Variants in CDK5RAP2 observed in about 807,000 individuals in gnomAD.
The protein encoded by CDK5RAP2 is CDK5 regulatory subunit associated protein 2, also known as CDK5 regulatory subunit-associated protein 2.
CDK5RAP2 carries 147 observed loss-of-function variants against 232.9 expected under a neutral mutation model. The observed-to-expected ratio is 0.63, with a 90% CI of 0.55 to 0.72. The LOEUF (loss-of-function observed/expected upper bound fraction) is 0.72. CDK5RAP2 is among the 30% of genes least tolerant of loss of function. The probability of loss-of-function intolerance (pLI) is 0.00; values close to 1 mark genes in which losing one functional copy is unlikely to be tolerated. For synonymous variants in CDK5RAP2, 833 were observed against 833.7 expected (o/e 1.00, Z 0.01); for missense variants, 2,195 against 2,231.5 (o/e 0.98, Z 0.33).
At chr9:120,536,294 G>A in intron 7 of CDK5RAP2, 78 bp downstream of exon 7, 1 of 1,503,494 alleles carries the variant, frequency 6.7e-7, no homozygotes, top group Non-Finnish European at 9.3e-7. Context: ...AGGGATAAAA[G>A]AGAATAAAAG....
intron 10 of CDK5RAP2, among the ~76,000 whole-genome samples, chr9:120,527,243 C>T (rs1026056220): frequency 3.3e-5 from 5 of 152,222 alleles, no homozygotes; most frequent in African/African-American, 4.8e-5. Context: ...AAACGCAACA[C>T]TCAGGCAGCT....
At chr9:120,536,171 A>C (rs2131962801) in intron 7 of CDK5RAP2, among the ~76,000 whole-genome samples, 1 of 152,230 alleles carries the variant, frequency 6.6e-6, no homozygotes, top group Non-Finnish European at 1.5e-5. Context: ...ACCTCATATG[A>C]CTATGCTATT....
At chr9:120,470,355 T>G in intron 16 of CDK5RAP2, 135 bp from the exon 17 acceptor site, 1 of 594,200 alleles carries the variant, frequency 1.7e-6, no homozygotes, top group Middle Eastern at 2.8e-4. Context: ...GAAGGGAGCA[T>G]AGTACACAGA....
chr9:120,392,762 C>G (rs2032105950), intron 36 of CDK5RAP2, among the ~76,000 whole-genome samples: 1 of 152,200 alleles, frequency 6.6e-6, no homozygotes, highest in South Asian at 2.1e-4. Flanking sequence ...CCACAGACAT[C>G]CACCACTCTG....
In CDK5RAP2 at chr9:120,439,560, A is replaced by C. The variant is rs1443333606; in HGVS notation, c.3561T>G (p.Gly1187=). ...VRYVKHVKIL[G]PLAPEMIDSR... is the part of the protein sequence containing the mutation. ...TGTCAATCATCTCTGGGGCCAGCGG[A>C]CCGAGGATTTTCACGTGTTTCACGT... The change falls in exon 24 of 38, where the codon GGT becomes GGG. Residue 1187 remains glycine, a synonymous_variant. Coordinates refer to ENST00000349780, the MANE Select transcript of CDK5RAP2 (RefSeq NM_018249.6). The C allele has an allele frequency of 1.9e-6, 3 of 1,614,186 alleles. No individual in the cohort carries two copies.
At chr9:120,468,427 T>A (rs2131509412) in intron 17 of CDK5RAP2, among the ~76,000 whole-genome samples, 1 of 152,342 alleles carries the variant, frequency 6.6e-6, no homozygotes, top group South Asian at 2.1e-4. Flanking sequence ...TGAAACTGTA[T>A]CAGAGTCTTA....
chr9:120,579,471 C>A (rs2043159979), intron 1 of CDK5RAP2, among the ~76,000 whole-genome samples: 1 of 152,192 alleles, frequency 6.6e-6, no homozygotes, highest in South Asian at 2.1e-4. Context: ...TCATTGCACT[C>A]CATTGCCTCC....
intron 7 of CDK5RAP2, among the ~76,000 whole-genome samples, chr9:120,534,835 C>G (rs552865647): frequency 2.0e-5 from 3 of 152,294 alleles, no homozygotes; most frequent in Admixed American, 2.0e-4. Flanking sequence ...ACCTGTAGCT[C>G]CCCCAGGAAG....
At position 120,439,958 on chromosome 9, in the gene CDK5RAP2, G is replaced by A. The variant is rs760027146; in HGVS notation, c.3163C>T (p.Pro1055Ser). 6.2e-7 allele frequency: 1 copy of A among 1,613,680 alleles called. No homozygotes were observed. ...GGCAAGCTGGCAAGGTCATCAGGTG[G>A]GCAAATCTCAGAGTCTGAAAATCAA... The part of the protein sequence containing the change: ...RSYEIDSEIC[P>S]PDDLASLPSC... The change falls in exon 24 of 38, where the codon CCA becomes TCA. Residue 1055 changes from proline (P) to serine (S), a missense_variant. By Grantham distance (74) the Pro-to-Ser change is moderately conservative. Coordinates refer to ENST00000349780, the MANE Select transcript of CDK5RAP2 (RefSeq NM_018249.6).
chr9:120,468,725 A>T (rs1181367636), intron 17 of CDK5RAP2, among the ~76,000 whole-genome samples: 2 of 152,232 alleles, frequency 1.3e-5, no homozygotes, highest in Non-Finnish European at 2.9e-5. Context: ...TGTGCGAAAG[A>T]GCAGCTGCCT....
intron 18 of CDK5RAP2, among the ~76,000 whole-genome samples, chr9:120,463,395 G>A (rs576569875): frequency 2.6e-5 from 4 of 152,042 alleles, no homozygotes; most frequent in Non-Finnish European, 4.4e-5. Context: ...CAACAACAAC[G>A]AAAGTCTCCC....
intron 23 of CDK5RAP2, among the ~76,000 whole-genome samples, chr9:120,440,673 T>C (rs374441650): frequency 6.6e-6 from 1 of 152,232 alleles, no homozygotes; most frequent in Non-Finnish European, 1.5e-5. Context: ...GTCATCTGAA[T>C]GTAGCTCTCC....
At chr9:120,458,644 C>T in intron 19 of CDK5RAP2, 22 bp from the exon 20 acceptor site, 1 of 1,610,428 alleles carries the variant, frequency 6.2e-7, no homozygotes, top group African/African-American at 1.3e-5. Context: ...AGTATTTGGT[C>T]AAATAATGGA....
chr9:120,422,134 G>T (rs940771668), intron 26 of CDK5RAP2, among the ~76,000 whole-genome samples: 1 of 152,224 alleles, frequency 6.6e-6, no homozygotes, highest in African/African-American at 2.4e-5. Flanking sequence ...AAGTGCTACA[G>T]CAAGAATCAC....
At position 120,453,616 on chromosome 9, in the gene CDK5RAP2, G is replaced by A. The variant is rs112982005; in HGVS notation, c.2633C>T (p.Thr878Met). Residue 878 changes from threonine (T) to methionine (M), a missense_variant, in exon 21 of 38, where the codon ACG becomes ATG. By Grantham distance (81) the Thr-to-Met change is moderately conservative. Transcript: ENST00000349780. ...LKDASVQTVA[T>M]EGDLLRFKHE... ...CTTGAATCTCAGCAGGTCGCCCTCCGTGGCCACAGTCTGCACTGAGGCATC... is the reference window on the plus strand; with the variant it reads ...CTTGAATCTCAGCAGGTCGCCCTCCATGGCCACAGTCTGCACTGAGGCATC... The A allele has an allele frequency of 6.1e-5, 98 of 1,614,134 alleles. 2 individuals are homozygous for A. Among genetic ancestry groups the A allele is most frequent in the African/African-American group, 2.7e-4 (20 of 75,030 alleles).
chr9:120,453,281 G>A (rs1453687171), intron 21 of CDK5RAP2, among the ~76,000 whole-genome samples, 175 bp downstream of exon 21: 1 of 152,120 alleles, frequency 6.6e-6, no homozygotes, highest in African/African-American at 2.4e-5. Flanking sequence ...GGAGAGGCAG[G>A]GGAAGGTCAG....
In CDK5RAP2 at chr9:120,463,951, C is replaced by A. The variant is rs570181260; in HGVS notation, c.2107-3284G>T. On this transcript the variant is annotated intron_variant, in intron 18 of 37. Transcript: ENST00000349780. ...ATACCTGGCTCGGCTTCCAGCCCTA[C>A]CACCACTAAAGAAGCAACCTCCAAG... 2.0e-5 allele frequency among the ~76,000 whole-genome samples: 3 copies of A among 152,318 alleles called. No homozygotes were observed. In the East Asian group the frequency reaches 5.8e-4, roughly 29 times the overall value.
At chr9:120,493,950 G>T (rs1422281846) in intron 12 of CDK5RAP2, among the ~76,000 whole-genome samples, 16 of 152,012 alleles carry the variant, frequency 1.1e-4, no homozygotes. Context: ...AAATGAGCAG[G>T]GCATGGTGGC....
Position 120,468,002 on chromosome 9 carries a change from G to A in CDK5RAP2, c.1969-5C>T, listed in dbSNP as rs765603983. ...TAGCTGTATAAGGTCACTGACCTAG[G>A]AGGTAAGAACAGGGAAAAGGCTGTC... On this transcript the variant is annotated splice_polypyrimidine_tract_variant and splice_region_variant and intron_variant, in intron 17 of 37. Coordinates refer to ENST00000349780, the MANE Select transcript of CDK5RAP2 (RefSeq NM_018249.6). 4 of 1,613,776 alleles carry A rather than the reference G, an allele frequency of 2.5e-6. No individual in the cohort carries two copies. Among genetic ancestry groups the A allele is most frequent in the Non-Finnish European group, 3.4e-6 (4 of 1,179,902 alleles).
Sources: allele counts gnomAD v4.1 joint callset (sites outside exome capture counted in the v4.1 genomes callset), GRCh38; gene constraint gnomAD v4.1.1; transcripts MANE v1.5; gene names NCBI Gene and HGNC (gene_info 2026-07-23, HGNC 2026-07-21).